Variants in SDK1 observed in about 807,000 individuals in gnomAD.
SDK1 encodes the protein sidekick cell adhesion molecule 1.
A neutral mutation model predicts 245.5 loss-of-function variants in SDK1; 157 were observed. That is an observed-to-expected ratio of 0.64 (90% confidence interval 0.56 to 0.73). The LOEUF (loss-of-function observed/expected upper bound fraction) is 0.73, where lower values mean the gene tolerates loss of function less well. Ranked by LOEUF, SDK1 falls within the 30% of genes least tolerant of loss-of-function variation. The probability of loss-of-function intolerance (pLI) is 0.00; values close to 1 mark genes in which losing one functional copy is unlikely to be tolerated. For missense variants in SDK1, 3,583 were observed against 3,002.3 expected (o/e 1.19, Z -4.52); for synonymous variants, 1,647 against 1,278.5 (o/e 1.29, Z -6.15).
chr7:4,107,551 A>T (rs1167327988), intron 22 of SDK1, among the ~76,000 whole-genome samples: 1 of 151,630 alleles, frequency 6.6e-6, no homozygotes, highest in Non-Finnish European at 1.5e-5. Context: ...TTGGTTTAAC[A>T]CCCAGAGGAC....
chr7:3,562,549 G>A (rs936477689), intron 1 of SDK1, among the ~76,000 whole-genome samples: 4 of 152,236 alleles, frequency 2.6e-5, no homozygotes, highest in Admixed American at 2.6e-4. Context: ...CTGTATAGTG[G>A]CTAAGTAGAC....
intron 1 of SDK1, among the ~76,000 whole-genome samples, chr7:3,314,220 C>G (rs1174936880): frequency 1.3e-5 from 2 of 152,140 alleles, no homozygotes; most frequent in African/African-American, 4.8e-5. Context: ...CGTGGAAATA[C>G]AAAGATGAAG....
intron 4 of SDK1, among the ~76,000 whole-genome samples, chr7:3,787,317 A>C (rs1193152308): frequency 6.6e-6 from 1 of 152,208 alleles, no homozygotes; most frequent in Non-Finnish European, 1.5e-5. Flanking sequence ...ATAAGCATCT[A>C]AACTCTGATT....
At chr7:3,303,145 C>T (rs138414709) in intron 1 of SDK1, among the ~76,000 whole-genome samples, 69 of 152,248 alleles carry the variant, frequency 4.5e-4, no homozygotes, top group African/African-American at 1.6e-3. Context: ...TAATTTAACT[C>T]CTCCATTACT....
chr7:3,347,994 C>A (rs572014080), intron 1 of SDK1, among the ~76,000 whole-genome samples: 1 of 151,716 alleles, frequency 6.6e-6, no homozygotes, highest in African/African-American at 2.4e-5. Flanking sequence ...ATGTATAATT[C>A]CACAATGAGA....
intron 1 of SDK1, among the ~76,000 whole-genome samples, chr7:3,580,759 G>A (rs1248298172): frequency 6.6e-6 from 1 of 152,006 alleles, no homozygotes; most frequent in Non-Finnish European, 1.5e-5. Flanking sequence ...ATGAGGTCAA[G>A]AGATTGAGAC....
At chr7:3,772,249 C>CT (rs923004270) in intron 4 of SDK1, among the ~76,000 whole-genome samples, 53 of 147,542 alleles carry the variant, frequency 3.6e-4, no homozygotes, top group Admixed American at 4.1e-4. Flanking sequence ...GAATTTTTTT[C>CT]TTTTTTTTTT....
intron 1 of SDK1, among the ~76,000 whole-genome samples, chr7:3,467,553 T>C (rs1781047069): frequency 1.3e-5 from 2 of 152,110 alleles, no homozygotes; most frequent in African/African-American, 2.4e-5. Flanking sequence ...TTTTTAGATA[T>C]TTAATAATTA....
At chr7:4,225,828 A>C (rs1785408855) in intron 40 of SDK1, among the ~76,000 whole-genome samples, 1 of 152,062 alleles carries the variant, frequency 6.6e-6, no homozygotes, top group Non-Finnish European at 1.5e-5. Flanking sequence ...AGAAGACCCC[A>C]GCTTTTTCGG....
chr7:3,990,025 G>A (rs757315920), intron 14 of SDK1, among the ~76,000 whole-genome samples: 6 of 152,254 alleles, frequency 3.9e-5, no homozygotes, highest in South Asian at 2.1e-4. Context: ...AGGAGCCTTC[G>A]GAAGCAGAGT....
intron 1 of SDK1, among the ~76,000 whole-genome samples, chr7:3,399,365 G>C (rs1778820348): frequency 6.6e-6 from 1 of 152,054 alleles, no homozygotes; most frequent in African/African-American, 2.4e-5. Flanking sequence ...AAGAATTAAA[G>C]GAAAGTATGA....
chr7:3,656,749 T>G (rs2128657887), intron 4 of SDK1, among the ~76,000 whole-genome samples: 1 of 150,992 alleles, frequency 6.6e-6, no homozygotes, highest in Admixed American at 6.6e-5. Flanking sequence ...CTTTTTTTTT[T>G]TTTTTTTTTG....
intron 5 of SDK1, among the ~76,000 whole-genome samples, chr7:3,891,496 G>C (rs564927914): frequency 6.6e-6 from 1 of 152,206 alleles, no homozygotes; most frequent in Non-Finnish European, 1.5e-5. Context: ...CCAGCCGAAA[G>C]TGTAGTTATC....
intron 1 of SDK1, among the ~76,000 whole-genome samples, chr7:3,373,675 A>G (rs2128564132): frequency 6.6e-6 from 1 of 152,294 alleles, no homozygotes; most frequent in East Asian, 1.9e-4. Flanking sequence ...CTTGGCACTA[A>G]AAAGTAAATA....
chr7:3,705,811 G>C (rs1784871011), intron 4 of SDK1, among the ~76,000 whole-genome samples: 1 of 152,000 alleles, frequency 6.6e-6, no homozygotes, highest in Non-Finnish European at 1.5e-5. Context: ...TAGAAGTGGT[G>C]AAAGTGGTCA....
chr7:3,852,886 C>T (rs976596899), intron 5 of SDK1, among the ~76,000 whole-genome samples: 18 of 151,418 alleles, frequency 1.2e-4, no homozygotes, highest in Admixed American at 1.1e-3. Context: ...TAATAGTCAC[C>T]CACCCCCAGA....
chr7:3,586,972 G>A (rs1690672216), intron 1 of SDK1, among the ~76,000 whole-genome samples: 1 of 152,162 alleles, frequency 6.6e-6, no homozygotes. Context: ...CAGGCATTGT[G>A]GTGAAGCAGA....
intron 4 of SDK1, among the ~76,000 whole-genome samples, chr7:3,741,715 C>G (rs2051917): frequency 0.036 from 5,487 of 152,142 alleles, 326 homozygotes; most frequent in African/African-American, 0.13. Context: ...CAAAGAAAGA[C>G]AGGAACTATT....
chr7:3,811,269 G>C (rs761786895), intron 4 of SDK1, among the ~76,000 whole-genome samples: 1 of 152,158 alleles, frequency 6.6e-6, no homozygotes, highest in Non-Finnish European at 1.5e-5. Flanking sequence ...GCCAGATCCA[G>C]TTCCACTTCT....
Sources: gnomAD v4.1 joint callset for allele counts (sites outside exome capture counted in the v4.1 genomes callset) on GRCh38, gnomAD v4.1.1 for gene constraint, MANE v1.5 for transcripts, NCBI Gene and HGNC (gene_info 2026-07-23, HGNC 2026-07-21) for gene names.